Variants in NKAIN3 observed in about 807,000 individuals in gnomAD.
The protein encoded by NKAIN3 is sodium/potassium transporting ATPase interacting 3, also known as sodium/potassium-transporting ATPase subunit beta-1-interacting protein 3.
Under a neutral mutation model 30.2 loss-of-function variants are expected in NKAIN3, and 25 were observed. That is an observed-to-expected ratio of 0.83 (90% confidence interval 0.60 to 1.16). The LOEUF (loss-of-function observed/expected upper bound fraction) is 1.16, where lower values mean the gene tolerates loss of function less well. NKAIN3 is among the 50% of genes most tolerant of loss of function. The pLI is 0.00. For synonymous variants in NKAIN3, 91 were observed against 89.6 expected, an observed-to-expected ratio of 1.02 and a Z score of -0.09; for missense variants, 225 against 254.1, an observed-to-expected ratio of 0.89 and a Z score of 0.78.
intron 4 of NKAIN3, among the ~76,000 whole-genome samples, chr8:62,873,239 G>A (rs532638431): frequency 6.6e-6 from 1 of 152,106 alleles, no homozygotes; most frequent in East Asian, 1.9e-4. Context: ...AAAAGACAAG[G>A]AAGGGCATTA....
chr8:62,357,634 C>T lies in NKAIN3; in HGVS notation c.54+108507C>T, dbSNP rs577044289. Among the ~76,000 whole-genome samples the T allele has an allele frequency of 6.6e-5, 10 of 152,170 alleles. No homozygotes were observed. The East Asian group carries it at 1.2e-3, about 18-fold the overall frequency. ...GCTCTGAGAAAGGCACACATCAAAACGCAAGCCCATAAAATAAAGCCCAAA... is the reference window on the plus strand; with the variant it reads ...GCTCTGAGAAAGGCACACATCAAAATGCAAGCCCATAAAATAAAGCCCAAA... On this transcript the variant is annotated intron_variant, in intron 1 of 6. Coordinates refer to ENST00000623646, the MANE Select transcript of NKAIN3 (RefSeq NM_001304533.3).
At chr8:62,621,358 A>T (rs1811613801) in intron 3 of NKAIN3, among the ~76,000 whole-genome samples, 1 of 152,114 alleles carries the variant, frequency 6.6e-6, no homozygotes, top group South Asian at 2.1e-4. Flanking sequence ...TAATAAATGT[A>T]ATATAAAAAT....
intron 4 of NKAIN3, among the ~76,000 whole-genome samples, chr8:62,789,259 A>G (rs1374299480): frequency 6.6e-6 from 1 of 152,136 alleles, no homozygotes; most frequent in East Asian, 1.9e-4. Context: ...ATCCCTTGTA[A>G]GTTGGATTGC....
At chr8:62,771,646 A>T (rs1427973777) in intron 4 of NKAIN3, among the ~76,000 whole-genome samples, 2 of 126,252 alleles carry the variant, frequency 1.6e-5, no homozygotes, top group Non-Finnish European at 3.5e-5. Context: ...CACATGTATA[A>T]AAAAAAAGAT....
At chr8:62,513,857 C>CAAAAAAAAA (rs10608416) in intron 1 of NKAIN3, among the ~76,000 whole-genome samples, 2 of 52,628 alleles carry the variant, frequency 3.8e-5, no homozygotes, top group Non-Finnish European at 6.4e-5. Flanking sequence ...AAACCTGTCT[C>CAAAAAAAAA]AAAAAAAAAA....
intron 1 of NKAIN3, among the ~76,000 whole-genome samples, chr8:62,459,923 C>T (rs1805936911): frequency 6.6e-6 from 1 of 152,080 alleles, no homozygotes; most frequent in South Asian, 2.1e-4. Context: ...GATGAGAAGT[C>T]ATTGAAGGAT....
At chr8:62,562,320 G>T (rs1174827549) in intron 1 of NKAIN3, among the ~76,000 whole-genome samples, 4 of 152,168 alleles carry the variant, frequency 2.6e-5, no homozygotes, top group African/African-American at 9.7e-5. Flanking sequence ...CCCTTGAGAT[G>T]TTGAAGAGTA....
chr8:62,509,588 T>C (rs1324890963), intron 1 of NKAIN3, among the ~76,000 whole-genome samples: 1 of 152,102 alleles, frequency 6.6e-6, no homozygotes, highest in Non-Finnish European at 1.5e-5. Context: ...GTGCCAAGTG[T>C]ATATTGTGAT....
intron 1 of NKAIN3, among the ~76,000 whole-genome samples, chr8:62,325,230 T>C (rs2129589689): frequency 6.6e-6 from 1 of 152,212 alleles, no homozygotes; most frequent in East Asian, 1.9e-4. Flanking sequence ...TAGCACACAA[T>C]ATTTGGTTTA....
intron 1 of NKAIN3, among the ~76,000 whole-genome samples, chr8:62,396,321 C>T (rs1368792818): frequency 6.6e-6 from 1 of 152,170 alleles, no homozygotes; most frequent in East Asian, 1.9e-4. Flanking sequence ...CCTCAAAAGC[C>T]CCCTTCTTAT....
intron 1 of NKAIN3, among the ~76,000 whole-genome samples, chr8:62,556,098 AATG>A (rs1325696037): frequency 1.1e-4 from 16 of 152,036 alleles, no homozygotes; most frequent in Admixed American, 3.3e-4. Context: ...GACAAGAAGA[AATG>A]ATGAACAAGG....
intron 1 of NKAIN3, among the ~76,000 whole-genome samples, chr8:62,570,894 G>A (rs1482757272): frequency 1.3e-5 from 2 of 152,102 alleles, no homozygotes; most frequent in African/African-American, 4.8e-5. Context: ...ACACATATTG[G>A]CAGAATCCTA....
chr8:62,512,070 T>C lies in NKAIN3; in HGVS notation c.55-67469T>C, dbSNP rs573390779. 7.4e-4 allele frequency among the ~76,000 whole-genome samples: 113 copies of C among 152,304 alleles called. 1 individual carries two copies. The South Asian group carries it at 0.019, about 25-fold the overall frequency. ...GCATGTCATAGGCACTTAATAAATA[T>C]AGTGCTTTTAGCAAAATGAACTTTC... On this transcript the variant is annotated intron_variant, in intron 1 of 6. Coordinates refer to ENST00000623646, the MANE Select transcript of NKAIN3 (RefSeq NM_001304533.3).
At position 62,315,164 on chromosome 8, in the gene NKAIN3, G is replaced by A. The variant is rs945846840; in HGVS notation, c.54+66037G>A. Among the ~76,000 whole-genome samples, 37 of 152,232 alleles carry A rather than the reference G, an allele frequency of 2.4e-4. 1 individual carries two copies. Among genetic ancestry groups the A allele is most frequent in the Admixed American group, 8.5e-4 (13 of 15,278 alleles). On this transcript the variant is annotated intron_variant, in intron 1 of 6. Transcript: ENST00000623646. ...GCACATTATCTAAGTTACAGCTATG[G>A]GTTAATTGTACATTATAGTTATTTG...
chr8:62,608,106 C>G (rs974744281), intron 3 of NKAIN3, among the ~76,000 whole-genome samples: 1 of 151,994 alleles, frequency 6.6e-6, no homozygotes, highest in Non-Finnish European at 1.5e-5. Context: ...AAAACTAAGA[C>G]ATATACTTTC....
chr8:62,293,422 A>G (rs1202662353), intron 1 of NKAIN3, among the ~76,000 whole-genome samples: 1 of 151,996 alleles, frequency 6.6e-6, no homozygotes, highest in Non-Finnish European at 1.5e-5. Flanking sequence ...TTTGGAGTGG[A>G]TGCCCTTTCT....
chr8:62,683,236 G>A (rs1182261317), intron 3 of NKAIN3, among the ~76,000 whole-genome samples: 12 of 151,978 alleles, frequency 7.9e-5, no homozygotes, highest in African/African-American at 2.9e-4. Flanking sequence ...GGGTTTCACC[G>A]TGTTAACCAG....
rs77643961 is a variant in NKAIN3, at chr8:62,967,157, A to G, written c.*1750A>G. ...TGAAGATGGTGGAATCCAAGCCACT[A>G]TTCTGCAGATGAGGGGGCTGAAGCC... On this transcript the variant is annotated 3_prime_UTR_variant, in exon 7 of 7. Transcript: ENST00000623646. 0.066 allele frequency among the ~76,000 whole-genome samples: 10,107 copies of G among 152,260 alleles called. 587 individuals carry two copies. The highest frequency in any genetic ancestry group is 0.28 in the East Asian group (1,443 of 5,150).
intron 1 of NKAIN3, among the ~76,000 whole-genome samples, chr8:62,558,981 A>G (rs1051375851): frequency 2.2e-4 from 33 of 151,860 alleles, no homozygotes; most frequent in African/African-American, 7.3e-4. Flanking sequence ...AGTTTGAGAG[A>G]GTTTCTTGTG....
Sources: gnomAD v4.1 joint callset for allele counts (sites outside exome capture counted in the v4.1 genomes callset) on GRCh38, gnomAD v4.1.1 for gene constraint, MANE v1.5 for transcripts, NCBI Gene and HGNC (gene_info 2026-07-23, HGNC 2026-07-21) for gene names.